TRIM66: variants seen among roughly 807,000 people sequenced by gnomAD.
TRIM66 encodes the protein tripartite motif-containing protein 66.
TRIM66 carries 99 observed loss-of-function variants against 148.2 expected under a neutral mutation model. The ratio of observed to expected loss-of-function variants is 0.67; its 90% CI spans 0.57 to 0.79. The LOEUF (loss-of-function observed/expected upper bound fraction) is 0.79, where lower values mean the gene tolerates loss of function less well. Ranked by LOEUF, TRIM66 falls within the 30% of genes least tolerant of loss-of-function variation. The pLI is 0.00. For missense variants in TRIM66, 1,666 were observed against 1,697.9 expected (o/e 0.98, Z 0.33); for synonymous variants, 616 against 635.9 (o/e 0.97, Z 0.47).
chr11:8,670,910 CA>C (rs1256676136), intron 6 of TRIM66, among the ~76,000 whole-genome samples: 4 of 152,122 alleles, frequency 2.6e-5, no homozygotes, highest in African/African-American at 9.7e-5. Flanking sequence ...ACTCTATTAT[CA>C]CAATGAAACA....
intron 6 of TRIM66, among the ~76,000 whole-genome samples, chr11:8,670,517 G>A (rs917441270): frequency 6.6e-6 from 1 of 152,096 alleles, no homozygotes; most frequent in Middle Eastern, 3.2e-3. Context: ...TTAACTCACT[G>A]GATTTTCAAG....
At chr11:8,671,665 C>G (rs2038940003) in intron 6 of TRIM66, 121 bp downstream of exon 6, 1 of 615,672 alleles carries the variant, frequency 1.6e-6, no homozygotes, top group African/African-American at 1.8e-5. Flanking sequence ...TTGCTTTCAG[C>G]AATGAGTGTC....
Position 8,654,573 on chromosome 11 carries a change from A to G in TRIM66, c.341-2670T>C, listed in dbSNP as rs1034389274. On this transcript the variant is annotated intron_variant, in intron 6 of 24. Transcript: ENST00000646038. ...CACATTGCATTTTAAATACCTGTTC[A>G]TATGTCTGCACACAAAAATAAACCA... 30 of 152,220 alleles carry G rather than the reference A, an allele frequency of 2.0e-4. 1 individual carries two copies. The highest frequency in any genetic ancestry group is 6.5e-4 in the African/African-American group (27 of 41,450). The allele number at this position is 152,220 out of a possible 1,614,324, so 9.4% of individuals were successfully genotyped here.
chr11:8,679,558 T>C (rs1023825401), intron 3 of TRIM66, 62 bp downstream of exon 3: 1 of 152,690 alleles, frequency 6.5e-6, no homozygotes, highest in African/African-American at 2.4e-5. Context: ...GTCCTTATTG[T>C]AGGCCCCAGC....
chr11:8,639,586 G>A (rs977232459), intron 14 of TRIM66, among the ~76,000 whole-genome samples: 2 of 152,216 alleles, frequency 1.3e-5, no homozygotes, highest in Non-Finnish European at 2.9e-5. Flanking sequence ...ATCTCTCAAT[G>A]TTGTATGATA....
At chr11:8,632,737 G>C (rs1258665294) in intron 15 of TRIM66, among the ~76,000 whole-genome samples, 1 of 152,164 alleles carries the variant, frequency 6.6e-6, no homozygotes, top group Admixed American at 6.5e-5. Flanking sequence ...TGGGATTACA[G>C]GTGTAAGCCA....
Position 8,624,970 on chromosome 11 carries a change from G to A in TRIM66, c.2569C>T (p.Gln857Ter), listed in dbSNP as rs1159450076. Reference sequence around the variant, plus strand: ...TCACTTATCAGGTTGGGCATGGACTGGAATGTGCTATGCACAAGGCTGGGC... The same window carrying A: ...TCACTTATCAGGTTGGGCATGGACTAGAATGTGCTATGCACAAGGCTGGGC... ...TVPSLVHSTF[Q>*]SMPNLISDSP... The change falls in exon 16 of 25, where the codon CAG becomes TAG. Residue 857 changes from glutamine (Q) to a stop codon, truncating the protein, a stop_gained. Transcript: ENST00000646038. LOFTEE classifies it high-confidence loss of function. The A allele has an allele frequency of 1.3e-6, 2 of 1,551,744 alleles. No individual in the cohort carries two copies. Among genetic ancestry groups the A allele is most frequent in the Middle Eastern group, 1.7e-4 (1 of 5,992 alleles).
At chr11:8,667,573 C>G (rs1055791026) in intron 6 of TRIM66, among the ~76,000 whole-genome samples, 2 of 152,134 alleles carry the variant, frequency 1.3e-5, no homozygotes, top group Non-Finnish European at 1.5e-5. Flanking sequence ...AACAACTCAC[C>G]ATTCCCCCAG....
In TRIM66 at chr11:8,625,202, G is replaced by A. The variant is rs907128163; in HGVS notation, c.2337C>T (p.Gly779=). 2.0e-5 allele frequency: 31 copies of A among 1,515,060 alleles called. No individual in the cohort carries two copies. Among genetic ancestry groups the A allele is most frequent in the Non-Finnish European group, 2.7e-5 (30 of 1,126,458 alleles). The allele number at this position is 1,515,060 out of a possible 1,614,324, so 93.9% of individuals were successfully genotyped here. Residue 779 remains glycine, a synonymous_variant, in exon 16 of 25, where the codon GGC becomes GGT. Transcript: ENST00000646038. ...RKHSTSLSIM[G]FSNTLEMELS... is the part of the protein sequence containing the mutation. ...ACTCCATCTCCAGAGTGTTGGAAAA[G>A]CCCATGATGCTCAGCGAGGTGGAGT...
rs944791826 is a variant in TRIM66 at position 8,679,970 on chromosome 11, G to C, written c.-454C>G. 6.6e-6 allele frequency: 1 copy of C among 152,316 alleles called. No homozygotes were observed. Among genetic ancestry groups the C allele is most frequent in the Non-Finnish European group, 1.5e-5 (1 of 68,098 alleles). 9.4% of individuals were successfully genotyped at this position (152,316 alleles called of 1,614,324 possible). A position where few individuals can be genotyped will look rare whatever the true frequency, so the allele number is the denominator to read the frequency against. On this transcript the variant is annotated 5_prime_UTR_variant, in exon 2 of 25. Transcript: ENST00000646038. ...GCTTCAGTTTTCACACACGTAAAAT[G>C]AGGCTGGTAGTGCTGTACCTTCAGG...
chr11:8,672,195 G>C, intron 5 of TRIM66, 53 bp downstream of exon 5: 1 of 1,535,486 alleles, frequency 6.5e-7, no homozygotes, highest in Non-Finnish European at 8.7e-7. Context: ...CAAAAGTCCA[G>C]GCCATGTTCC....
chr11:8,632,927 A>G (rs915497676), intron 15 of TRIM66, among the ~76,000 whole-genome samples: 1 of 152,200 alleles, frequency 6.6e-6, no homozygotes, highest in African/African-American at 2.4e-5. Flanking sequence ...TGGGTGGTGA[A>G]GGGAGAAGTG....
rs1346605467 is a variant in TRIM66, at chr11:8,621,681, G to A, written c.3219C>T (p.Ile1073=). 5.2e-6 allele frequency: 8 copies of A among 1,549,018 alleles called. No individual in the cohort carries two copies. Among genetic ancestry groups the A allele is most frequent in the Non-Finnish European group, 6.1e-6 (7 of 1,145,836 alleles). ...TGCTGGAGGACTCAGTGCCACACTC[G>A]ATGATCAGCAGGAAGCTCCCATCCT... ...NDQDGSFLLI[I]ECGTESSSMS... The change falls in exon 19 of 25, where the codon ATC becomes ATT. Residue 1073 remains isoleucine, a synonymous_variant. Coordinates refer to ENST00000646038, the MANE Select transcript of TRIM66 (RefSeq NM_001388022.1).
Position 8,645,854 on chromosome 11 carries a change from G to C in TRIM66, c.991C>G (p.Gln331Glu), listed in dbSNP as rs1350898094. ...ITNERKRKLE[Q>E]QLQSIMVLNR... ...AGAACCATGATGCTCTGTAACTGCT[G>C]TTCCAGCTTCCGCTTTCTCTCATTA... Residue 331 changes from glutamine (Q) to glutamate (E), a missense_variant, in exon 12 of 25, where the codon CAG becomes GAG. Gln to Glu is a conservative substitution (Grantham distance 29, BLOSUM62 2). This residue lies in a region of TRIM66 where 1,431 missense variants were observed against 1,412.4 expected (regional missense o/e 1.01). Transcript: ENST00000646038. 9 of 1,551,734 alleles carry C rather than the reference G, an allele frequency of 5.8e-6. No individual in the cohort carries two copies. Among genetic ancestry groups the C allele is most frequent in the Non-Finnish European group, 7.8e-6 (9 of 1,147,002 alleles).
In TRIM66 at chr11:8,621,024, T is replaced by G. The variant is rs1388855667; in HGVS notation, c.3545+8A>C. 1 of 1,550,434 alleles carries G rather than the reference T, an allele frequency of 6.4e-7. No individual in the cohort carries two copies. The highest frequency in any genetic ancestry group is 1.4e-5 in the African/African-American group (1 of 73,036). On this transcript the variant is annotated splice_region_variant and intron_variant, in intron 20 of 24. Transcript: ENST00000646038. ...GCCAGGTGATGGTCCTGGACTGGCA[T>G]GACTCACCCTGGGAAGCTGAGCAAG...
chr11:8,662,975 T>C (rs150852152), intron 6 of TRIM66, among the ~76,000 whole-genome samples: 2 of 152,340 alleles, frequency 1.3e-5, no homozygotes, highest in African/African-American at 4.8e-5. Flanking sequence ...CCAGACAGAA[T>C]TTGACCTGGG....
intron 1 of TRIM66, chr11:8,680,801 C>T (rs1364168755): frequency 1.3e-5 from 2 of 152,198 alleles, no homozygotes; most frequent in East Asian, 1.9e-4. Flanking sequence ...GGCTGAGGAA[C>T]ATCAACATTC....
At chr11:8,660,040 AT>A (rs1441282803) in intron 6 of TRIM66, among the ~76,000 whole-genome samples, 1 of 151,656 alleles carries the variant, frequency 6.6e-6, no homozygotes, top group South Asian at 2.1e-4. Context: ...CAGCTAATTT[AT>A]TTTTTATTTT....
chr11:8,626,827 A>G (rs924350341), intron 15 of TRIM66, among the ~76,000 whole-genome samples: 7 of 152,150 alleles, frequency 4.6e-5, no homozygotes, highest in Non-Finnish European at 1.0e-4. Flanking sequence ...AGCTCATTCA[A>G]TAACCCTCTC....
Sources: allele counts gnomAD v4.1 joint callset (sites outside exome capture counted in the v4.1 genomes callset), GRCh38; gene constraint gnomAD v4.1.1; regional missense constraint gnomAD v4.1.1; transcripts MANE v1.5; gene names NCBI Gene and HGNC (gene_info 2026-07-23, HGNC 2026-07-21).